Variants in COG5 observed in about 807,000 individuals in gnomAD.
COG5 encodes conserved oligomeric Golgi complex subunit 5.
A neutral mutation model predicts 110.4 loss-of-function variants in COG5; 86 were observed. The ratio of observed to expected loss-of-function variants is 0.78; its 90% CI spans 0.65 to 0.93. COG5 has a LOEUF of 0.93. COG5 is among the 40% of genes least tolerant of loss of function. The pLI is 0.00. For missense variants in COG5, 1,077 were observed against 987.0 expected, an observed-to-expected ratio of 1.09 and a Z score of -1.22; for synonymous variants, 360 against 334.6, an observed-to-expected ratio of 1.08 and a Z score of -0.83.
chr7:107,231,519 G>A (rs892089286), intron 18 of COG5, among the ~76,000 whole-genome samples: 5 of 152,126 alleles, frequency 3.3e-5, no homozygotes, highest in Non-Finnish European at 5.9e-5. Flanking sequence ...TGCTACTCAG[G>A]TGATAGACTG....
chr7:107,552,065 T>G (rs1228318914), intron 3 of COG5, among the ~76,000 whole-genome samples: 1 of 152,226 alleles, frequency 6.6e-6, no homozygotes, highest in Non-Finnish European at 1.5e-5. Context: ...ATTTTAATCT[T>G]TGAACATCAT....
intron 5 of COG5, among the ~76,000 whole-genome samples, chr7:107,541,523 A>AAAAAAAATATATAT (rs60423657): frequency 4.6e-4 from 26 of 57,010 alleles, no homozygotes; most frequent in Admixed American, 4.8e-4. Flanking sequence ...AAAAAAAAAA[A>AAAAAAAATATATAT]ATATATATAT....
At chr7:107,209,125 C>T (rs758893698) in intron 21 of COG5, 20 of 985,526 alleles carry the variant, frequency 2.0e-5, no homozygotes, top group Admixed American at 6.1e-5. Flanking sequence ...TTAGGGAACT[C>T]AACTCATCAC....
At chr7:107,233,356 GAATT>G (rs1800918250) in intron 18 of COG5, among the ~76,000 whole-genome samples, 1 of 152,110 alleles carries the variant, frequency 6.6e-6, no homozygotes, top group South Asian at 2.1e-4. Context: ...TCACAGTGGG[GAATT>G]AATTACCTGT....
In COG5 at chr7:107,207,893, C is replaced by T. The variant is rs1042697356; in HGVS notation, c.2375+2633G>A. The T allele has an allele frequency of 4.1e-6, 4 of 985,264 alleles. No homozygotes were observed. In the African/African-American group the frequency reaches 7.0e-5, roughly 17 times the overall value. The allele number at this position is 985,264 out of a possible 1,614,324, so 61.0% of individuals were successfully genotyped here. A position where few individuals can be genotyped will look rare whatever the true frequency, so the allele number is the denominator to read the frequency against. On this transcript the variant is annotated intron_variant, in intron 21 of 21. Coordinates refer to ENST00000297135, the MANE Select transcript of COG5 (RefSeq NM_006348.5). ...ATTCAGCAGCAGTAGTTACACTATC[C>T]TCAATTTGCCCTATTTTATGACAAC...
intron 7 of COG5, among the ~76,000 whole-genome samples, chr7:107,388,269 G>A (rs757746759): frequency 4.9e-4 from 75 of 152,176 alleles, no homozygotes; most frequent in Non-Finnish European, 9.7e-4. Flanking sequence ...AGATATGTAC[G>A]TATATCCATT....
chr7:107,309,755 A>AT (rs967036378), intron 11 of COG5, among the ~76,000 whole-genome samples: 4 of 152,020 alleles, frequency 2.6e-5, no homozygotes, highest in African/African-American at 9.7e-5. Flanking sequence ...AATTTTAGGA[A>AT]TTTTTTCATT....
chr7:107,233,270 A>C (rs766481869), intron 18 of COG5, among the ~76,000 whole-genome samples: 7 of 152,240 alleles, frequency 4.6e-5, no homozygotes, highest in African/African-American at 7.2e-5. Flanking sequence ...CAGAATCAGC[A>C]GAACCCCAGT....
intron 11 of COG5, among the ~76,000 whole-genome samples, chr7:107,318,164 A>C (rs1409158328): frequency 6.6e-6 from 1 of 152,024 alleles, no homozygotes; most frequent in Non-Finnish European, 1.5e-5. Context: ...AGCAGCTGGG[A>C]CTACAGACGC....
At chr7:107,358,991 G>A (rs552893242) in intron 10 of COG5, among the ~76,000 whole-genome samples, 1 of 152,278 alleles carries the variant, frequency 6.6e-6, no homozygotes, top group South Asian at 2.1e-4. Context: ...ATATGCTGGC[G>A]ATGGCAGGGG....
intron 5 of COG5, among the ~76,000 whole-genome samples, chr7:107,536,653 G>A (rs192802766): frequency 1.5e-4 from 23 of 152,276 alleles, no homozygotes; most frequent in Middle Eastern, 3.4e-3. Flanking sequence ...CTCATGGATA[G>A]GAAGAATCAA....
chr7:107,537,687 G>A (rs987627274), intron 5 of COG5, among the ~76,000 whole-genome samples: 10 of 150,276 alleles, frequency 6.7e-5, no homozygotes, highest in Non-Finnish European at 8.8e-5. Context: ...GTATACCTAT[G>A]TAACAAACCT....
chr7:107,491,141 A>G (rs1797951529), intron 6 of COG5, among the ~76,000 whole-genome samples: 1 of 152,152 alleles, frequency 6.6e-6, no homozygotes, highest in African/African-American at 2.4e-5. Context: ...ATTCTTCAGT[A>G]TCTTCAAACT....
At chr7:107,419,432 A>G (rs1793114094) in intron 6 of COG5, among the ~76,000 whole-genome samples, 1 of 152,142 alleles carries the variant, frequency 6.6e-6, no homozygotes, top group Non-Finnish European at 1.5e-5. Context: ...GAATTACAAA[A>G]AATATTTTAC....
chr7:107,495,772 A>G (rs1485381252), intron 6 of COG5, among the ~76,000 whole-genome samples: 1 of 152,132 alleles, frequency 6.6e-6, no homozygotes, highest in Non-Finnish European at 1.5e-5. Flanking sequence ...AAATAGTACA[A>G]GCACAGAGCT....
chr7:107,237,989 A>G (rs978968793), intron 17 of COG5, among the ~76,000 whole-genome samples: 7 of 152,130 alleles, frequency 4.6e-5, no homozygotes, highest in Non-Finnish European at 1.0e-4. Context: ...TTTAATGTTT[A>G]TTTTTGATGA....
chr7:107,208,967 A>T, intron 21 of COG5: 1 of 979,630 alleles, frequency 1.0e-6, no homozygotes. Flanking sequence ...GGAGCTATAG[A>T]GAAATCCTGA....
intron 12 of COG5, among the ~76,000 whole-genome samples, chr7:107,287,844 G>A (rs192212688): frequency 6.6e-6 from 1 of 152,104 alleles, no homozygotes; most frequent in African/African-American, 2.4e-5. Context: ...TCTTTTTATG[G>A]CTAATATTGT....
chr7:107,540,038 T>C lies in COG5; in HGVS notation c.417+8073A>G, dbSNP rs560679228. Among the ~76,000 whole-genome samples, 4 of 152,144 alleles carry C rather than the reference T, an allele frequency of 2.6e-5. No homozygotes were observed. The East Asian group carries it at 7.8e-4, about 29-fold the overall frequency. On this transcript the variant is annotated intron_variant, in intron 5 of 21. Transcript: ENST00000297135. ...GAAGTTGGGAAGTAGAGATTACATT[T>C]CAAGAAAGCCAAAAAAGCTAGTGTT... is the stretch of plus-strand genomic sequence containing the variant.
Sources: allele counts gnomAD v4.1 joint callset (sites outside exome capture counted in the v4.1 genomes callset), GRCh38; gene constraint gnomAD v4.1.1; transcripts MANE v1.5; gene names NCBI Gene and HGNC (gene_info 2026-07-23, HGNC 2026-07-21).